Variants in ERC2 observed in about 807,000 individuals in gnomAD.
The protein encoded by ERC2 is ELKS/RAB6-interacting/CAST family member 2, also known as ERC protein 2.
Under a neutral mutation model 114.8 loss-of-function variants are expected in ERC2, and 42 were observed. That is an observed-to-expected ratio of 0.37 (90% CI 0.29 to 0.47). The LOEUF is 0.47. ERC2 is among the 20% of genes least tolerant of loss of function. ERC2 has a pLI of 0.99. For synonymous variants in ERC2, 454 were observed against 425.5 expected (o/e 1.07, Z -0.82); for missense variants, 939 against 1,150.7 (o/e 0.82, Z 2.66).
Position 55,640,342 on chromosome 3 carries a change from GC to G in ERC2, c.*39+43451del, listed in dbSNP as rs1190551857. 3.3e-5 allele frequency among the ~76,000 whole-genome samples: 5 copies of G among 152,214 alleles called. No homozygotes were observed. In the East Asian group the frequency reaches 5.8e-4, roughly 18 times the overall value. The stretch of plus-strand genomic sequence containing the variant: ...TTGCCTGTTCTTGACATATATTATT[GC>G]CTTCTCTGCCACACCTTTCTAACGA... On this transcript the variant is annotated intron_variant, in intron 17 of 17. Transcript: ENST00000288221.
At chr3:56,177,574 T>C (rs1317088830) in intron 3 of ERC2, among the ~76,000 whole-genome samples, 1 of 152,280 alleles carries the variant, frequency 6.6e-6, no homozygotes, top group Admixed American at 6.5e-5. Flanking sequence ...CAAAAGCACA[T>C]GCAAGCAAAA....
chr3:55,557,402 G>A (rs900566502), intron 17 of ERC2, among the ~76,000 whole-genome samples: 1 of 152,208 alleles, frequency 6.6e-6, no homozygotes, highest in Non-Finnish European at 1.5e-5. Flanking sequence ...AACCTCAAAT[G>A]TCTTTGTCTC....
rs2052423092 is a variant in ERC2, at chr3:56,255,045, C to G, written c.1074+40974G>C. ...TGAAATTTCAACGTAGTTCACAATT[C>G]TTATTTCCATCCCCTAGTGGAGAAT... is the stretch of plus-strand genomic sequence containing the variant. On this transcript the variant is annotated intron_variant, in intron 3 of 17. Coordinates refer to ENST00000288221, the MANE Select transcript of ERC2 (RefSeq NM_015576.3). Among the ~76,000 whole-genome samples the G allele has an allele frequency of 2.0e-5, 3 of 152,204 alleles. 1 individual carries two copies. In the South Asian group the frequency reaches 6.2e-4, roughly 32 times the overall value.
At chr3:55,875,280 A>C (rs1003368669) in intron 14 of ERC2, among the ~76,000 whole-genome samples, 3 of 152,184 alleles carry the variant, frequency 2.0e-5, no homozygotes, top group Non-Finnish European at 2.9e-5. Flanking sequence ...CAAAAACACC[A>C]ATTTCAAAAT....
chr3:55,815,821 G>A (rs1242469668), intron 14 of ERC2, among the ~76,000 whole-genome samples: 1 of 152,212 alleles, frequency 6.6e-6, no homozygotes, highest in African/African-American at 2.4e-5. Flanking sequence ...TGGTAAGGGG[G>A]TAAAGAAGTG....
chr3:56,253,791 G>A (rs2150239948), intron 3 of ERC2, among the ~76,000 whole-genome samples: 1 of 152,314 alleles, frequency 6.6e-6, no homozygotes, highest in East Asian at 1.9e-4. Flanking sequence ...TATAATCCCA[G>A]CACTTTGAGA....
intron 3 of ERC2, among the ~76,000 whole-genome samples, chr3:56,192,489 A>G (rs1027134313): frequency 5.9e-5 from 9 of 152,160 alleles, no homozygotes; most frequent in Admixed American, 2.6e-4. Context: ...CCTTACATCA[A>G]TCCTCTGTGG....
chr3:55,553,887 T>C (rs1215971591), intron 17 of ERC2, among the ~76,000 whole-genome samples: 1 of 152,218 alleles, frequency 6.6e-6, no homozygotes, highest in Non-Finnish European at 1.5e-5. Context: ...ACAATGACTA[T>C]GTTAATAGTC....
At chr3:56,286,343 G>C (rs1436228009) in intron 3 of ERC2, among the ~76,000 whole-genome samples, 2 of 150,098 alleles carry the variant, frequency 1.3e-5, no homozygotes, top group Non-Finnish European at 3.0e-5. Context: ...GAACCCAGGA[G>C]GCGGAGGTTG....
chr3:55,719,959 T>TCC, intron 15 of ERC2, among the ~76,000 whole-genome samples: 1 of 139,146 alleles, frequency 7.2e-6, no homozygotes, highest in Admixed American at 7.4e-5. Context: ...CTTTCCTTTC[T>TCC]TTCCTTCTCT....
At chr3:55,942,487 C>T (rs1347241360) in intron 13 of ERC2, among the ~76,000 whole-genome samples, 1 of 148,298 alleles carries the variant, frequency 6.7e-6, no homozygotes, top group Non-Finnish European at 1.5e-5. Context: ...TTAGTAGAGA[C>T]GGGGTTTCAC....
chr3:56,124,515 C>A lies in ERC2; in HGVS notation c.1473+14994G>T, dbSNP rs369124686. Among the ~76,000 whole-genome samples the A allele has an allele frequency of 9.2e-5, 14 of 152,170 alleles. No individual in the cohort carries two copies. In the East Asian group the frequency reaches 2.1e-3, roughly 23 times the overall value. On this transcript the variant is annotated intron_variant, in intron 6 of 17. Coordinates refer to ENST00000288221, the MANE Select transcript of ERC2 (RefSeq NM_015576.3). ...CATCTTCCTGGGTTCTGAAAAATTC[C>A]CAAACCTTGTAAAGATTCTTTGATC...
intron 17 of ERC2, among the ~76,000 whole-genome samples, chr3:55,652,626 C>A (rs1399612950): frequency 6.6e-6 from 1 of 152,110 alleles, no homozygotes; most frequent in African/African-American, 2.4e-5. Flanking sequence ...GTAATCCCAG[C>A]ACTTTGGGAG....
Position 55,997,929 on chromosome 3 carries a change from G to GTT in ERC2, c.2062-5681_2062-5680dup, listed in dbSNP as rs112402531. Among the ~76,000 whole-genome samples, 146 of 57,792 alleles carry GTT rather than the reference G, an allele frequency of 2.5e-3. 11 individuals carry two copies. The highest frequency in any genetic ancestry group is 4.2e-3 in the African/African-American group (63 of 15,170). The allele number at this position is 57,792 out of a possible 152,430, so 37.9% of individuals were successfully genotyped here. On this transcript the variant is annotated intron_variant, in intron 10 of 17. Coordinates refer to ENST00000288221, the MANE Select transcript of ERC2 (RefSeq NM_015576.3). ...TTTTGTGTGTGTGTGTGTGTTTTTTGTTTTTTTTTTTTTTTTGGTAGAGAT... is the reference window on the plus strand; with the variant it reads ...TTTTGTGTGTGTGTGTGTGTTTTTTGTTTTTTTTTTTTTTTTTTGGTAGAGAT...
In ERC2 at chr3:55,794,970, T is replaced by C. The variant is rs564272334; in HGVS notation, c.2565-60052A>G. Among the ~76,000 whole-genome samples, 9 of 152,322 alleles carry C rather than the reference T, an allele frequency of 5.9e-5. No individual in the cohort carries two copies. In the East Asian group the frequency reaches 1.7e-3, roughly 29 times the overall value. On this transcript the variant is annotated intron_variant, in intron 14 of 17. Coordinates refer to ENST00000288221, the MANE Select transcript of ERC2 (RefSeq NM_015576.3). ...CAATGTTTTCTTTTTTCTTAGGTAATACATAGGAAATAAATGGTTGATTTG... is the reference window on the plus strand; with the variant it reads ...CAATGTTTTCTTTTTTCTTAGGTAACACATAGGAAATAAATGGTTGATTTG...
chr3:56,444,005 C>T (rs980244906), intron 1 of ERC2, among the ~76,000 whole-genome samples: 1 of 121,300 alleles, frequency 8.2e-6, no homozygotes, highest in Non-Finnish European at 1.6e-5. Flanking sequence ...CTGTGTCGCC[C>T]AGGCTGGAGA....
chr3:55,627,203 C>T (rs928514788), intron 17 of ERC2, among the ~76,000 whole-genome samples: 3 of 152,204 alleles, frequency 2.0e-5, no homozygotes, highest in African/African-American at 7.2e-5. Context: ...TGTGGTGGCT[C>T]ACGCCTGTAA....
chr3:56,076,730 T>C (rs755751305), intron 7 of ERC2, among the ~76,000 whole-genome samples: 16 of 152,290 alleles, frequency 1.1e-4, no homozygotes, highest in Non-Finnish European at 2.2e-4. Context: ...TCAGAGATGC[T>C]CCTCCACCTG....
chr3:55,563,024 T>A (rs1397158788), intron 17 of ERC2, among the ~76,000 whole-genome samples: 1 of 152,066 alleles, frequency 6.6e-6, no homozygotes, highest in African/African-American at 2.4e-5. Context: ...TAAAAACCCA[T>A]CCATCAACCT....
Sources: gnomAD v4.1 joint callset for allele counts (sites outside exome capture counted in the v4.1 genomes callset) on GRCh38, gnomAD v4.1.1 for gene constraint, MANE v1.5 for transcripts, NCBI Gene and HGNC (gene_info 2026-07-23, HGNC 2026-07-21) for gene names.